Variants in CD109 observed in about 807,000 individuals in gnomAD.
CD109 encodes CD109 molecule, also known as CD109 antigen.
In CD109, 149 loss-of-function variants were observed where a neutral mutation model predicts 165.8. The observed-to-expected ratio is 0.90, with a 90% CI of 0.79 to 1.03. CD109 has a LOEUF of 1.03. CD109 is among the 50% of genes least tolerant of loss of function. The probability of loss-of-function intolerance (pLI) is 0.00; values close to 1 mark genes in which losing one functional copy is unlikely to be tolerated. For synonymous variants in CD109, 585 were observed against 592.1 expected, an observed-to-expected ratio of 0.99 and a Z score of 0.18; for missense variants, 1,712 against 1,677.8, an observed-to-expected ratio of 1.02 and a Z score of -0.36.
In CD109 at chr6:73,820,444, CTT is replaced by C. The variant is rs761300518; in HGVS notation, c.4060-14_4060-13del. 2.2e-5 allele frequency: 33 copies of C among 1,466,978 alleles called. No homozygotes were observed. In the Admixed American group the frequency reaches 5.3e-4, roughly 24 times the overall value. The allele number at this position is 1,466,978 out of a possible 1,614,324, so 90.9% of individuals were successfully genotyped here. On this transcript the variant is annotated splice_polypyrimidine_tract_variant and intron_variant, in intron 31 of 32. Transcript: ENST00000287097. ...CACAGTGTGCCAACCCCTTAAGACTCTTTTGTATTTCTCAAGGTAAATGAAAC... is the reference window on the plus strand; with the variant it reads ...CACAGTGTGCCAACCCCTTAAGACTCTTGTATTTCTCAAGGTAAATGAAAC...
intron 2 of CD109, among the ~76,000 whole-genome samples, chr6:73,701,052 C>T (rs1442091775): frequency 6.6e-6 from 1 of 150,570 alleles, no homozygotes; most frequent in African/African-American, 2.4e-5. Context: ...CTGCCTGCCT[C>T]GGCCTCCCAA....
At chr6:73,768,811 A>G (rs1773939663) in intron 14 of CD109, among the ~76,000 whole-genome samples, 1 of 152,158 alleles carries the variant, frequency 6.6e-6, no homozygotes, top group Non-Finnish European at 1.5e-5. Context: ...CAGCTCTGAA[A>G]AGAAACCTGA....
chr6:73,767,070 T>C, intron 13 of CD109, 60 bp downstream of exon 13: 3 of 1,462,248 alleles, frequency 2.1e-6, no homozygotes, highest in Non-Finnish European at 2.8e-6. Flanking sequence ...TTATTCACTT[T>C]TAAGTTCTGG....
At chr6:73,806,782 C>G in intron 24 of CD109, 62 bp from the exon 25 acceptor site, 3 of 1,150,014 alleles carry the variant, frequency 2.6e-6, no homozygotes, top group Non-Finnish European at 3.8e-6. Context: ...TTTGCTTGCT[C>G]GGTGTTATTT....
intron 22 of CD109, among the ~76,000 whole-genome samples, chr6:73,790,484 T>A (rs904652688): frequency 6.6e-6 from 1 of 152,198 alleles, no homozygotes; most frequent in South Asian, 2.1e-4. Flanking sequence ...TAGGAGATAC[T>A]TACATATAAA....
At chr6:73,729,506 A>G (rs1377763138) in intron 3 of CD109, among the ~76,000 whole-genome samples, 1 of 147,218 alleles carries the variant, frequency 6.8e-6, no homozygotes, top group African/African-American at 2.5e-5. Flanking sequence ...TATTATTATT[A>G]TTATTATTAT....
chr6:73,726,559 T>C (rs547329158), intron 3 of CD109, among the ~76,000 whole-genome samples: 1 of 152,370 alleles, frequency 6.6e-6, no homozygotes, highest in Non-Finnish European at 1.5e-5. Flanking sequence ...AATACTATTG[T>C]GTTGTCTCAG....
rs371150975 is a variant in CD109, at chr6:73,723,273, T to A, written c.270T>A (p.Leu90=). 3 of 1,611,994 alleles carry A rather than the reference T, an allele frequency of 1.9e-6. No homozygotes were observed. Among genetic ancestry groups the A allele is most frequent in the African/African-American group, 1.3e-5 (1 of 74,852 alleles). Residue 90 remains leucine, a synonymous_variant, in exon 3 of 33, where the codon CTT becomes CTA. Coordinates refer to ENST00000287097, the MANE Select transcript of CD109 (RefSeq NM_133493.5). ...TAGGCTCTTTTAAGACACTTACTCTTCCATCAGTAAGTATCCATTTAAAAA... is the reference window on the plus strand; with the variant it reads ...TAGGCTCTTTTAAGACACTTACTCTACCATCAGTAAGTATCCATTTAAAAA... The part of the protein sequence containing the change: ...FEKGSFKTLT[L]PSLPLNSADE...
At chr6:73,751,912 G>A (rs1479770451) in intron 5 of CD109, among the ~76,000 whole-genome samples, 4 of 152,196 alleles carry the variant, frequency 2.6e-5, no homozygotes, top group South Asian at 2.1e-4. Flanking sequence ...CTCCTTTACA[G>A]GTCCTGCATC....
intron 1 of CD109, among the ~76,000 whole-genome samples, chr6:73,696,513 T>C (rs1027389380): frequency 3.3e-5 from 5 of 152,252 alleles, no homozygotes; most frequent in Non-Finnish European, 7.3e-5. Context: ...TGAAGTTGTT[T>C]AAGCGTCTCC....
At chr6:73,725,504 CTTTTTTT>C (rs386407559) in intron 3 of CD109, among the ~76,000 whole-genome samples, 43 of 89,430 alleles carry the variant, frequency 4.8e-4, no homozygotes, top group African/African-American at 1.5e-3. Flanking sequence ...TACTACACTT[CTTTTTTT>C]TTTTTTTTTT....
In CD109 at chr6:73,826,020, T is replaced by C. The variant is rs577501266; in HGVS notation, c.*2387T>C. 10 of 152,222 alleles carry C rather than the reference T, an allele frequency of 6.6e-5. No individual in the cohort carries two copies. Among genetic ancestry groups the C allele is most frequent in the African/African-American group, 2.4e-4 (10 of 41,526 alleles). The allele number at this position is 152,222 out of a possible 1,614,324, so 9.4% of individuals were successfully genotyped here. A position where few individuals can be genotyped will look rare whatever the true frequency, so the allele number is the denominator to read the frequency against. On this transcript the variant is annotated 3_prime_UTR_variant, in exon 33 of 33. Transcript: ENST00000287097. ...AAAGTCACCTTGTAACTCATCTCTT[T>C]TTATTGTAAGTTTATTAAAAATGAA...
At chr6:73,799,564 AG>A (rs1562076553) in intron 23 of CD109, among the ~76,000 whole-genome samples, 1 of 152,206 alleles carries the variant, frequency 6.6e-6, no homozygotes. Flanking sequence ...AACTGGGAAC[AG>A]GCACATCACA....
rs1347503870 is a variant in CD109, at chr6:73,758,935, C to CT, written c.674-5dup. On this transcript the variant is annotated splice_polypyrimidine_tract_variant and intron_variant, in intron 6 of 32. Coordinates refer to ENST00000287097, the MANE Select transcript of CD109 (RefSeq NM_133493.5). ...GAAAAAAAGATTTACCCTTGCTTTT[C>CT]TTTTCCAGTATTACCAAAATTTGAA... The CT allele has an allele frequency of 1.3e-6, 2 of 1,514,072 alleles. No homozygotes were observed. Among genetic ancestry groups the CT allele is most frequent in the African/African-American group, 2.7e-5 (2 of 72,872 alleles). The allele number at this position is 1,514,072 out of a possible 1,614,324, so 93.8% of individuals were successfully genotyped here.
intron 15 of CD109, among the ~76,000 whole-genome samples, chr6:73,779,007 A>G (rs890919867): frequency 3.3e-5 from 5 of 152,212 alleles, no homozygotes; most frequent in Admixed American, 3.3e-4. Flanking sequence ...TTATATGACC[A>G]TCACCAATAT....
intron 22 of CD109, among the ~76,000 whole-genome samples, chr6:73,789,909 G>A (rs910362871): frequency 9.2e-5 from 14 of 151,484 alleles, no homozygotes; most frequent in Admixed American, 7.2e-4. Context: ...TTACAGGCAC[G>A]TGCCACCACA....
chr6:73,768,345 A>T (rs1773923971), intron 14 of CD109, 114 bp downstream of exon 14: 1 of 648,210 alleles, frequency 1.5e-6, no homozygotes, highest in Admixed American at 3.1e-5. Context: ...AATTTATATT[A>T]TTCTATTTCT....
intron 11 of CD109, 37 bp downstream of exon 11, chr6:73,766,191 A>C: frequency 6.7e-7 from 1 of 1,494,844 alleles, no homozygotes; most frequent in Non-Finnish European, 9.3e-7. Context: ...CACTGCAACA[A>C]CACCATTACA....
chr6:73,705,601 C>T (rs761557796), intron 2 of CD109, among the ~76,000 whole-genome samples: 5 of 151,010 alleles, frequency 3.3e-5, no homozygotes, highest in Admixed American at 6.6e-5. Context: ...GCCTGGGTAA[C>T]AAAGCATGGC....
Sources: gnomAD v4.1 joint callset for allele counts (sites outside exome capture counted in the v4.1 genomes callset) on GRCh38, gnomAD v4.1.1 for gene constraint, MANE v1.5 for transcripts, NCBI Gene and HGNC (gene_info 2026-07-23, HGNC 2026-07-21) for gene names.